The following NKAIN2 variants were observed in gnomAD, a reference collection of about 807,000 sequenced individuals.
NKAIN2 encodes the protein sodium/potassium-transporting ATPase subunit beta-1-interacting protein 2.
NKAIN2 carries 14 observed loss-of-function variants against 32.6 expected under a neutral mutation model. That is an observed-to-expected ratio of 0.43 (90% CI 0.28 to 0.67). The LOEUF is 0.67. Among genes scored for constraint, NKAIN2 ranks in the 30% least tolerant of loss-of-function variants. NKAIN2 has a pLI of 0.17. For missense variants in NKAIN2, 198 were observed against 258.3 expected, an observed-to-expected ratio of 0.77 and a Z score of 1.60; for synonymous variants, 80 against 87.2, an observed-to-expected ratio of 0.92 and a Z score of 0.46.
intron 1 of NKAIN2, among the ~76,000 whole-genome samples, chr6:124,080,864 A>T (rs917080387): frequency 6.6e-6 from 1 of 152,136 alleles, no homozygotes; most frequent in African/African-American, 2.4e-5. Flanking sequence ...CACTTTATCT[A>T]ATACCATGTC....
chr6:124,297,116 T>C (rs1796087948), intron 2 of NKAIN2, among the ~76,000 whole-genome samples: 5 of 152,180 alleles, frequency 3.3e-5, no homozygotes, highest in Non-Finnish European at 1.5e-5. Flanking sequence ...CATAAAATTA[T>C]GAAAACTGTT....
chr6:124,474,743 A>G (rs533931391), intron 3 of NKAIN2, among the ~76,000 whole-genome samples: 4 of 150,668 alleles, frequency 2.7e-5, no homozygotes, highest in East Asian at 3.9e-4. Context: ...TGAGCTCTCT[A>G]TGATATATAC....
chr6:124,244,981 A>G (rs184566895), intron 1 of NKAIN2, among the ~76,000 whole-genome samples: 3 of 152,178 alleles, frequency 2.0e-5, no homozygotes, highest in African/African-American at 7.2e-5. Context: ...AGCCACTTAT[A>G]TATATTCCTA....
At chr6:123,883,406 A>G (rs1272924845) in intron 1 of NKAIN2, among the ~76,000 whole-genome samples, 1 of 152,010 alleles carries the variant, frequency 6.6e-6, no homozygotes, top group African/African-American at 2.4e-5. Context: ...CGGCCTCCCA[A>G]AGTGCTGGGA....
At chr6:123,901,076 C>T (rs965095691) in intron 1 of NKAIN2, among the ~76,000 whole-genome samples, 10 of 152,118 alleles carry the variant, frequency 6.6e-5, no homozygotes, top group Non-Finnish European at 1.2e-4. Flanking sequence ...TTGTCTTCTT[C>T]TAAAAGTTGT....
chr6:124,449,706 G>A (rs953994844), intron 3 of NKAIN2, among the ~76,000 whole-genome samples: 6 of 151,798 alleles, frequency 4.0e-5, no homozygotes, highest in African/African-American at 1.5e-4. Flanking sequence ...ACACCCACAT[G>A]TCAAATTTCA....
intron 1 of NKAIN2, among the ~76,000 whole-genome samples, chr6:124,142,242 C>T (rs1253761170): frequency 1.3e-5 from 2 of 152,154 alleles, no homozygotes; most frequent in East Asian, 3.9e-4. Context: ...TTTCTACCCA[C>T]TGCTGAAATT....
At chr6:124,817,492 G>A (rs959904617) in intron 5 of NKAIN2, among the ~76,000 whole-genome samples, 4 of 152,020 alleles carry the variant, frequency 2.6e-5, no homozygotes, top group African/African-American at 7.2e-5. Flanking sequence ...GGGCTTCCTT[G>A]TGGCATCATG....
chr6:123,813,685 G>T (rs1367006672), intron 1 of NKAIN2, among the ~76,000 whole-genome samples: 2 of 152,006 alleles, frequency 1.3e-5, no homozygotes, highest in Non-Finnish European at 2.9e-5. Flanking sequence ...GGTGTTGCGT[G>T]CCTGTAGTCT....
At chr6:124,192,241 G>T (rs6916001) in intron 1 of NKAIN2, among the ~76,000 whole-genome samples, 8,721 of 152,010 alleles carry the variant, frequency 0.057, 472 homozygotes, top group African/African-American at 0.12. Context: ...AACCATAAAG[G>T]TCCCTCCAAG....
intron 5 of NKAIN2, among the ~76,000 whole-genome samples, chr6:124,815,250 G>GTATATATATGTGTATATA (rs1781105734): frequency 2.3e-5 from 2 of 88,416 alleles, no homozygotes; most frequent in African/African-American, 6.1e-5. Context: ...ATGTATATAT[G>GTATATATATGTGTATATA]TATATATATA....
intron 3 of NKAIN2, among the ~76,000 whole-genome samples, chr6:124,449,190 A>G (rs1776005899): frequency 1.3e-5 from 2 of 152,122 alleles, no homozygotes; most frequent in Non-Finnish European, 2.9e-5. Flanking sequence ...TTTAATGGTA[A>G]TCTGTATATA....
At chr6:124,709,542 T>G (rs1379986828) in intron 4 of NKAIN2, among the ~76,000 whole-genome samples, 1 of 150,784 alleles carries the variant, frequency 6.6e-6, no homozygotes, top group Admixed American at 6.6e-5. Flanking sequence ...ATTCAGAGAT[T>G]CAACTTCTTC....
intron 3 of NKAIN2, among the ~76,000 whole-genome samples, chr6:124,373,902 T>C (rs1187000058): frequency 6.6e-6 from 1 of 152,044 alleles, no homozygotes; most frequent in African/African-American, 2.4e-5. Flanking sequence ...TGAGGTCTTG[T>C]AGTAAGATGC....
At chr6:123,856,560 G>T (rs1349621440) in intron 1 of NKAIN2, among the ~76,000 whole-genome samples, 2 of 152,174 alleles carry the variant, frequency 1.3e-5, no homozygotes, top group Non-Finnish European at 2.9e-5. Context: ...TGGAAAAAAT[G>T]CCAATAAACA....
At chr6:123,876,635 G>A (rs1035291942) in intron 1 of NKAIN2, among the ~76,000 whole-genome samples, 2 of 152,170 alleles carry the variant, frequency 1.3e-5, no homozygotes, top group Admixed American at 6.5e-5. Flanking sequence ...TGAAAACAAG[G>A]AGCATGGAGG....
intron 3 of NKAIN2, among the ~76,000 whole-genome samples, chr6:124,600,917 C>A (rs953318170): frequency 6.6e-6 from 1 of 152,000 alleles, no homozygotes; most frequent in Non-Finnish European, 1.5e-5. Flanking sequence ...ACTTATCAGA[C>A]AAAATGATCT....
intron 3 of NKAIN2, among the ~76,000 whole-genome samples, chr6:124,507,956 A>G (rs1275814991): frequency 5.3e-5 from 8 of 152,172 alleles, no homozygotes; most frequent in Admixed American, 5.2e-4. Flanking sequence ...ACAAACAGGT[A>G]AAAACACCCA....
intron 1 of NKAIN2, among the ~76,000 whole-genome samples, chr6:123,902,384 T>C (rs1189790249): frequency 6.6e-6 from 1 of 152,140 alleles, no homozygotes; most frequent in Non-Finnish European, 1.5e-5. Flanking sequence ...TAAAAAAAGT[T>C]TCATTTTATT....
Sources: allele counts gnomAD v4.1 joint callset (sites outside exome capture counted in the v4.1 genomes callset), GRCh38; gene constraint gnomAD v4.1.1; transcripts MANE v1.5; gene names NCBI Gene and HGNC (gene_info 2026-07-23, HGNC 2026-07-21).